CENPI: variants seen among roughly 807,000 people sequenced by gnomAD.
CENPI encodes FSH primary response 1.
Under a neutral mutation model 60.4 loss-of-function variants are expected in CENPI, and 4 were observed. That is an observed-to-expected ratio of 0.07 (90% confidence interval 0.03 to 0.15). The LOEUF (loss-of-function observed/expected upper bound fraction) is 0.15. Among genes scored for constraint, CENPI ranks in the 10% least tolerant of loss-of-function variants. CENPI has a pLI of 1.00. For missense variants in CENPI, 444 were observed against 534.5 expected (o/e 0.83, Z 1.67); for synonymous variants, 157 against 189.4 (o/e 0.83, Z 1.40).
chrX:101,128,653 A>T, intron 11 of CENPI, 63 bp from the exon 12 acceptor site: 1 of 1,141,810 alleles, frequency 8.8e-7, no homozygotes, highest in African/African-American at 1.8e-5. Flanking sequence ...TATTTTCTAT[A>T]TGACGATTCC....
rs12856908 is a variant in CENPI, at chrX:101,110,825, G to A, written c.591+827G>A. On this transcript the variant is annotated intron_variant, in intron 6 of 21. Transcript: ENST00000682095. Reference sequence around the variant, plus strand: ...ATAATAATTGCTGTAATATTTCCAGGAAGGAAGAAAGCACTGTAAATCAAA... The same window carrying A: ...ATAATAATTGCTGTAATATTTCCAGAAAGGAAGAAAGCACTGTAAATCAAA... Among the ~76,000 whole-genome samples, 35 of 111,837 alleles carry A rather than the reference G, an allele frequency of 3.1e-4. No homozygotes were observed. In the East Asian group the frequency reaches 7.9e-3, roughly 25 times the overall value.
chrX:101,122,034 AC>A (rs1394797933), intron 8 of CENPI, among the ~76,000 whole-genome samples: 1 of 110,541 alleles, frequency 9.0e-6, no homozygotes, highest in African/African-American at 3.3e-5. Context: ...CGAACTCCTG[AC>A]CTCAGGTTAT....
downstream of CENPI, among the ~76,000 whole-genome samples, chrX:101,167,032 G>A (rs1170778907): frequency 1.8e-5 from 2 of 112,833 alleles, no homozygotes; most frequent in African/African-American, 6.4e-5. Flanking sequence ...GGGATTACAG[G>A]CGTAAGCCAC....
chrX:101,180,351 G>A, the CENPI span, among the ~76,000 whole-genome samples: 1 of 110,861 alleles, frequency 9.0e-6, no homozygotes, highest in Non-Finnish European at 1.9e-5. Context: ...TGCCTAGGCT[G>A]TTCTTGAACT....
intron 10 of CENPI, 112 bp from the exon 11 acceptor site, chrX:101,127,386 G>T: frequency 1.0e-6 from 1 of 961,119 alleles, no homozygotes; most frequent in Middle Eastern, 3.9e-4. Context: ...CCAGGATTCT[G>T]TGTAAGCCAT....
Position 101,162,964 on chromosome X carries a change from T to G in CENPI, c.2268T>G (p.Tyr756Ter). 1 of 1,207,890 alleles carries G rather than the reference T, an allele frequency of 8.3e-7. No homozygotes were observed. The highest frequency in any genetic ancestry group is 1.1e-6 in the Non-Finnish European group (1 of 893,107). ...AGGGCATAAACTGCAACAATCAATA[T>G]TAAATGAATGTTGACATAAACTGAA... Reference protein sequence around the residue: ...RAEGINCNNQY With the variant: ...RAEGINCNNQ The change falls in exon 22 of 22, where the codon TAT (tyrosine) becomes TAG (stop). Residue 756 changes from tyrosine to a stop codon, truncating the protein, a stop_gained. Coordinates refer to ENST00000682095, the MANE Select transcript of CENPI (RefSeq NM_001386188.2). LOFTEE classifies it high-confidence loss of function.
chrX:101,123,609 CGGG>C (rs780882589), intron 8 of CENPI, among the ~76,000 whole-genome samples: 32 of 110,095 alleles, frequency 2.9e-4, no homozygotes, highest in Non-Finnish European at 5.3e-4. Flanking sequence ...TTTTTAGAGA[CGGG>C]GGTCTCACTT....
chrX:101,147,839 T>C lies in CENPI; in HGVS notation c.1875+28T>C, dbSNP rs1280527136. 3 of 1,187,307 alleles carry C rather than the reference T, an allele frequency of 2.5e-6. No homozygotes were observed. The African/African-American group carries it at 5.3e-5, about 21-fold the overall frequency. On this transcript the variant is annotated intron_variant, in intron 19 of 21. Transcript: ENST00000682095. ...ATGAATGAGAAAGCTCTGTGTTAAATCACTGTTGTTTAAAAATTAAGTCTA... is the reference window on the plus strand; with the variant it reads ...ATGAATGAGAAAGCTCTGTGTTAAACCACTGTTGTTTAAAAATTAAGTCTA...
Position 101,164,327 on chromosome X carries a change from T to C in CENPI, c.*1360T>C, listed in dbSNP as rs1483431394. On this transcript the variant is annotated 3_prime_UTR_variant, in exon 22 of 22. Transcript: ENST00000682095. The stretch of plus-strand genomic sequence containing the variant: ...TTGTGACCAATACAAAGTACCCGGG[T>C]TTTTGTTTTTGTTTTTGTTTTTTGA... Among the ~76,000 whole-genome samples, 1 of 109,643 alleles carries C rather than the reference T, an allele frequency of 9.1e-6. No homozygotes were observed. Among genetic ancestry groups the C allele is most frequent in the Non-Finnish European group, 1.9e-5 (1 of 52,641 alleles).
At chrX:101,141,355 T>A (rs11798509) in intron 16 of CENPI, 16,643 of 110,577 alleles carry the variant, frequency 0.15, 1,177 homozygotes, top group Middle Eastern at 0.23. Flanking sequence ...ATATATATAT[T>A]TTTTGAGACA....
chrX:101,117,750 C>T (rs1213179665), intron 6 of CENPI, among the ~76,000 whole-genome samples: 3 of 111,873 alleles, frequency 2.7e-5, no homozygotes, highest in Non-Finnish European at 5.6e-5. Flanking sequence ...CCTATCCCTG[C>T]CTCCCTTTGT....
intron 4 of CENPI, among the ~76,000 whole-genome samples, chrX:101,107,649 G>A (rs1349389046): frequency 9.2e-6 from 1 of 108,606 alleles, no homozygotes; most frequent in Non-Finnish European, 1.9e-5. Context: ...GAGCCACCGT[G>A]CCCTCATAAA....
At position 101,152,498 on chromosome X, in the gene CENPI, C is replaced by T. The variant is rs1249832844; in HGVS notation, c.2094+4337C>T. 4.5e-5 allele frequency among the ~76,000 whole-genome samples: 5 copies of T among 110,720 alleles called. No individual in the cohort carries two copies. In the East Asian group the frequency reaches 1.4e-3, roughly 32 times the overall value. Reference sequence around the variant, plus strand: ...GTGGTGCCATCCCGGCTTACTGCAACCTCTGCCTCCTGGGTTCAAGCGATT... The same window carrying T: ...GTGGTGCCATCCCGGCTTACTGCAATCTCTGCCTCCTGGGTTCAAGCGATT... On this transcript the variant is annotated intron_variant, in intron 20 of 21. Transcript: ENST00000682095.
intron 16 of CENPI, among the ~76,000 whole-genome samples, chrX:101,143,631 A>G (rs1319426876): frequency 2.7e-5 from 3 of 112,572 alleles, no homozygotes; most frequent in Non-Finnish European, 5.6e-5. Context: ...CCTGGGTTCA[A>G]GGGATTCTCC....
intron 2 of CENPI, among the ~76,000 whole-genome samples, chrX:101,099,431 C>CAA (rs551596409): frequency 0.011 from 946 of 84,617 alleles, 6 homozygotes; most frequent in African/African-American, 0.013. Context: ...GAGACTGTCT[C>CAA]AAAAAAAAAA....
At chrX:101,136,016 C>T (rs940741198) in intron 15 of CENPI, among the ~76,000 whole-genome samples, 2 of 112,405 alleles carry the variant, frequency 1.8e-5, no homozygotes, top group Admixed American at 9.4e-5. Flanking sequence ...AGCCACTGTG[C>T]CCGACCTGTA....
At chrX:101,132,745 TTTGA>T (rs1359479999) in intron 15 of CENPI, among the ~76,000 whole-genome samples, 1 of 111,881 alleles carries the variant, frequency 8.9e-6, no homozygotes, top group Non-Finnish European at 1.9e-5. Context: ...AAATACTTAG[TTTGA>T]TTGTTGTGGT....
the CENPI span, among the ~76,000 whole-genome samples, chrX:101,175,363 T>C: frequency 4.5e-5 from 5 of 112,132 alleles, no homozygotes; most frequent in African/African-American, 1.6e-4. Context: ...TACCCCATTA[T>C]AAGGAAGTAA....
intron 6 of CENPI, among the ~76,000 whole-genome samples, chrX:101,118,151 G>A (rs1341445850): frequency 1.8e-5 from 2 of 111,965 alleles, no homozygotes; most frequent in African/African-American, 6.5e-5. Flanking sequence ...TTTGGGGAAG[G>A]TACTAGGTTA....
Sources: gnomAD v4.1 joint callset for allele counts (sites outside exome capture counted in the v4.1 genomes callset) on GRCh38, gnomAD v4.1.1 for gene constraint, MANE v1.5 for transcripts, NCBI Gene and HGNC (gene_info 2026-07-23, HGNC 2026-07-21) for gene names.